KCNIP3: variants seen among roughly 807,000 people sequenced by gnomAD.
KCNIP3 encodes potassium voltage-gated channel interacting protein 3.
A neutral mutation model predicts 35.0 loss-of-function variants in KCNIP3; 28 were observed. That is an observed-to-expected ratio of 0.80 (90% CI 0.59 to 1.10). The LOEUF is 1.10. Ranked by LOEUF, KCNIP3 falls within the 50% of genes least tolerant of loss-of-function variation. KCNIP3 has a pLI of 0.00. For synonymous variants in KCNIP3, 134 were observed against 133.8 expected (o/e 1.00, Z -0.01); for missense variants, 295 against 338.4 (o/e 0.87, Z 1.01).
chr2:95,320,747 C>T (rs2104225696), intron 2 of KCNIP3, among the ~76,000 whole-genome samples: 1 of 152,270 alleles, frequency 6.6e-6, no homozygotes, highest in South Asian at 2.1e-4. Flanking sequence ...CCCCAAACTC[C>T]AGGGGACACA....
intron 1 of KCNIP3, among the ~76,000 whole-genome samples, chr2:95,309,825 G>A (rs925562430): frequency 1.3e-4 from 20 of 152,180 alleles, no homozygotes; most frequent in Non-Finnish European, 2.4e-4. Flanking sequence ...CTCAGTGGTC[G>A]GTTCCACCAG....
At chr2:95,327,226 T>C (rs910235250) in intron 2 of KCNIP3, among the ~76,000 whole-genome samples, 1 of 152,178 alleles carries the variant, frequency 6.6e-6, no homozygotes, top group Non-Finnish European at 1.5e-5. Flanking sequence ...ACACTAACCA[T>C]GCCCACCTTG....
chr2:95,324,753 A>G (rs1056744807), intron 2 of KCNIP3, among the ~76,000 whole-genome samples: 1 of 149,456 alleles, frequency 6.7e-6, no homozygotes, highest in African/African-American at 2.5e-5. Context: ...TCTACTAAAA[A>G]CACAAAAGTT....
At chr2:95,366,818 G>A (rs955542362) in intron 2 of KCNIP3, among the ~76,000 whole-genome samples, 6 of 152,094 alleles carry the variant, frequency 3.9e-5, no homozygotes, top group Non-Finnish European at 7.4e-5. Context: ...TTTTATCAGC[G>A]TTTTATCCTC....
At chr2:95,310,761 C>T (rs768630442) in intron 2 of KCNIP3, 7 of 537,268 alleles carry the variant, frequency 1.3e-5, no homozygotes, top group Non-Finnish European at 2.4e-5. Flanking sequence ...GCTGGGACCA[C>T]ACTGCGGTTT....
intron 2 of KCNIP3, among the ~76,000 whole-genome samples, chr2:95,321,557 T>C (rs1217798731): frequency 6.6e-6 from 1 of 152,214 alleles, no homozygotes; most frequent in Non-Finnish European, 1.5e-5. Context: ...TCTGACGCAC[T>C]AAAAATGCCA....
In KCNIP3 at chr2:95,382,677, A is replaced by T. The variant is rs1206322881; in HGVS notation, c.660+196A>T. On this transcript the variant is annotated intron_variant, in intron 7 of 8. Coordinates refer to ENST00000295225, the MANE Select transcript of KCNIP3 (RefSeq NM_013434.5). This position sits in a 1 kb window ranked among gnomAD's most constrained non-coding sequence, Gnocchi z 4.5. ...ACTACACCACTGCTCTGCCCTGTGG[A>T]CCTCATCTGGGGGCCAGAGCTGGGG... 6.6e-6 allele frequency among the ~76,000 whole-genome samples: 1 copy of T among 152,100 alleles called. No individual in the cohort carries two copies. The highest frequency in any genetic ancestry group is 1.5e-5 in the Non-Finnish European group (1 of 68,002).
intron 2 of KCNIP3, among the ~76,000 whole-genome samples, chr2:95,354,831 A>G (rs1245234378): frequency 1.3e-5 from 2 of 152,050 alleles, no homozygotes; most frequent in Non-Finnish European, 2.9e-5. Flanking sequence ...TGCTGGGGCC[A>G]GTGGTGATGC....
chr2:95,330,005 C>T (rs1229104546), intron 2 of KCNIP3, among the ~76,000 whole-genome samples: 1 of 152,254 alleles, frequency 6.6e-6, no homozygotes, highest in Non-Finnish European at 1.5e-5. Context: ...ATCCTGGCCT[C>T]CCTGCCCTGC....
At chr2:95,297,506 TG>T in intron 1 of KCNIP3, 53 bp downstream of exon 1, 1 of 779,752 alleles carries the variant, frequency 1.3e-6, no homozygotes, top group Non-Finnish European at 2.1e-6. Context: ...GGGGGAGGAA[TG>T]GAGGCTTCTG....
chr2:95,332,621 C>A (rs1021369514), intron 2 of KCNIP3, among the ~76,000 whole-genome samples: 12 of 152,176 alleles, frequency 7.9e-5, no homozygotes, highest in African/African-American at 2.9e-4. Flanking sequence ...CAAGTGTGGG[C>A]CATGGGATAT....
Position 95,381,584 on chromosome 2 carries a change from C to T in KCNIP3, c.448-12C>T. On this transcript the variant is annotated splice_polypyrimidine_tract_variant and intron_variant, in intron 5 of 8. Coordinates refer to ENST00000295225, the MANE Select transcript of KCNIP3 (RefSeq NM_013434.5). ...ATTGGATGTCACGCCCCACACTCTC[C>T]TTTCCCCATAGGACTTTGTGGTTGG... The T allele has an allele frequency of 6.2e-7, 1 of 1,604,270 alleles. No homozygotes were observed. Among genetic ancestry groups the T allele is most frequent in the South Asian group, 1.1e-5 (1 of 90,844 alleles).
chr2:95,382,315 C>T lies in KCNIP3; in HGVS notation c.556-62C>T. On this transcript the variant is annotated intron_variant, in intron 6 of 8. Transcript: ENST00000295225. This position sits in a 1 kb window ranked among gnomAD's most constrained non-coding sequence, Gnocchi z 4.5. Reference sequence around the variant, plus strand: ...CCTGCACCCTTGGATGCCGCCCGCTCCCTTTGGGCCCTCACAGCCACCCCG... The same window carrying T: ...CCTGCACCCTTGGATGCCGCCCGCTTCCTTTGGGCCCTCACAGCCACCCCG... 1 of 1,147,180 alleles carries T rather than the reference C, an allele frequency of 8.7e-7. No individual in the cohort carries two copies. Among genetic ancestry groups the T allele is most frequent in the Non-Finnish European group, 1.2e-6 (1 of 812,870 alleles). The allele number at this position is 1,147,180 out of a possible 1,614,324, so 71.1% of individuals were successfully genotyped here. A position where few individuals can be genotyped will look rare whatever the true frequency, so the allele number is the denominator to read the frequency against.
chr2:95,308,928 C>T (rs546347925), intron 1 of KCNIP3, among the ~76,000 whole-genome samples: 33 of 152,338 alleles, frequency 2.2e-4, no homozygotes, highest in African/African-American at 7.7e-4. Flanking sequence ...CTTTTCAGGA[C>T]CGTGCAAAGG....
intron 7 of KCNIP3, 109 bp from the exon 8 acceptor site, chr2:95,383,121 CCA>C: frequency 2.4e-6 from 1 of 411,650 alleles, no homozygotes; most frequent in Non-Finnish European, 4.6e-6. Context: ...GCCCACCCGC[CCA>C]TCCACCCACC....
intron 2 of KCNIP3, among the ~76,000 whole-genome samples, chr2:95,336,871 C>T (rs757898802): frequency 2.6e-5 from 4 of 152,186 alleles, no homozygotes; most frequent in Non-Finnish European, 5.9e-5. Context: ...TTCACCAGTG[C>T]GTGGGTGGGC....
At chr2:95,356,398 G>T (rs990687594) in intron 2 of KCNIP3, among the ~76,000 whole-genome samples, 27 of 152,132 alleles carry the variant, frequency 1.8e-4, no homozygotes, top group African/African-American at 6.3e-4. Flanking sequence ...ATTGCTTTTG[G>T]TGTTTTAGTC....
chr2:95,306,128 C>T (rs1259432020), intron 1 of KCNIP3, among the ~76,000 whole-genome samples: 3 of 152,168 alleles, frequency 2.0e-5, no homozygotes, highest in Non-Finnish European at 4.4e-5. Flanking sequence ...GGGGTGATTC[C>T]GTTTCTCCAC....
At chr2:95,334,256 G>A (rs1000309551) in intron 2 of KCNIP3, among the ~76,000 whole-genome samples, 5 of 152,144 alleles carry the variant, frequency 3.3e-5, no homozygotes, top group South Asian at 2.1e-4. Context: ...CTAGACTGGC[G>A]GGGGGGTTAG....
Sources: gnomAD v4.1 joint callset for allele counts (sites outside exome capture counted in the v4.1 genomes callset) on GRCh38, gnomAD v4.1.1 for gene constraint, Gnocchi (gnomAD v3.1) non-coding constraint, MANE v1.5 for transcripts, NCBI Gene and HGNC (gene_info 2026-07-23, HGNC 2026-07-21) for gene names.